The following SLC8A1 variants were observed in gnomAD, a reference collection of about 807,000 sequenced individuals.
The protein encoded by SLC8A1 is solute carrier family 8 member A1.
Under a neutral mutation model 68.3 loss-of-function variants are expected in SLC8A1, and 18 were observed. The observed-to-expected ratio is 0.26, with a 90% CI of 0.18 to 0.39. SLC8A1 has a LOEUF of 0.39. SLC8A1 is among the 10% of genes least tolerant of loss of function. The pLI is 1.00. For missense variants in SLC8A1, 985 were observed against 1,156.7 expected, an observed-to-expected ratio of 0.85 and a Z score of 2.15; for synonymous variants, 475 against 415.5, an observed-to-expected ratio of 1.14 and a Z score of -1.74.
chr2:40,408,394 C>G (rs374454427), intron 2 of SLC8A1, among the ~76,000 whole-genome samples: 51 of 152,234 alleles, frequency 3.4e-4, no homozygotes, highest in African/African-American at 1.1e-3. Flanking sequence ...TCTGCAGATT[C>G]ACACAAACAA....
At chr2:40,266,732 C>A (rs191847560) in intron 2 of SLC8A1, among the ~76,000 whole-genome samples, 1 of 152,126 alleles carries the variant, frequency 6.6e-6, no homozygotes, top group African/African-American at 2.4e-5. Context: ...CTTTATTGGG[C>A]TAATGGTATT....
At chr2:40,244,543 T>C (rs2061598884) in intron 2 of SLC8A1, among the ~76,000 whole-genome samples, 2 of 126,586 alleles carry the variant, frequency 1.6e-5, no homozygotes, top group Non-Finnish European at 3.2e-5. Flanking sequence ...AGTAGGCAAG[T>C]GGTGTGCATG....
chr2:40,368,717 A>AT (rs1367372581), intron 2 of SLC8A1, among the ~76,000 whole-genome samples: 1 of 151,766 alleles, frequency 6.6e-6, no homozygotes, highest in African/African-American at 2.4e-5. Flanking sequence ...CCCGTTAGTC[A>AT]TTTTTTTCTG....
At chr2:40,312,949 CAT>C (rs2073928055) in intron 2 of SLC8A1, among the ~76,000 whole-genome samples, 1 of 151,970 alleles carries the variant, frequency 6.6e-6, no homozygotes, top group African/African-American at 2.4e-5. Context: ...TTTTGAAATA[CAT>C]ACACACATAT....
intron 2 of SLC8A1, among the ~76,000 whole-genome samples, chr2:40,235,663 G>A (rs1384317725): frequency 6.6e-6 from 1 of 151,818 alleles, no homozygotes; most frequent in Non-Finnish European, 1.5e-5. Flanking sequence ...GTTTGCTCTT[G>A]CTTTTCTAGT....
intron 1 of SLC8A1, among the ~76,000 whole-genome samples, chr2:40,473,042 C>CT (rs1185088212): frequency 7.4e-6 from 1 of 134,314 alleles, no homozygotes; most frequent in Non-Finnish European, 1.5e-5. Context: ...GCGCTGCTCA[C>CT]GTTAGAAGTC....
rs183157594 is a variant in SLC8A1, at chr2:40,125,098, C to G, written c.2438-9469G>C. Among the ~76,000 whole-genome samples the G allele has an allele frequency of 5.4e-3, 819 of 152,254 alleles. 4 individuals carry two copies. The highest frequency in any genetic ancestry group is 0.018 in the African/African-American group (762 of 41,540). ...TGTTTATTGCTTGTGCTACTAAAAA[C>G]TAATAAATATAGGTTAAAAATAGAC... On this transcript the variant is annotated intron_variant, in intron 7 of 7. Transcript: ENST00000406785.
chr2:40,353,864 A>C (rs1182567132), intron 2 of SLC8A1, among the ~76,000 whole-genome samples: 2 of 152,212 alleles, frequency 1.3e-5, no homozygotes, highest in African/African-American at 4.8e-5. Context: ...GGGAGGCACC[A>C]GATTAGAATC....
At chr2:40,157,540 T>C (rs1212395182) in intron 6 of SLC8A1, among the ~76,000 whole-genome samples, 1 of 152,208 alleles carries the variant, frequency 6.6e-6, no homozygotes, top group African/African-American at 2.4e-5. Flanking sequence ...ATCCAGCTAA[T>C]GTTTGCCCTC....
chr2:40,366,870 G>C (rs1676371626), intron 2 of SLC8A1, among the ~76,000 whole-genome samples: 1 of 151,620 alleles, frequency 6.6e-6, no homozygotes, highest in African/African-American at 2.4e-5. Flanking sequence ...AAGAGAATGT[G>C]GCAGCAATCC....
chr2:40,350,262 G>A (rs1287949545), intron 2 of SLC8A1, among the ~76,000 whole-genome samples: 1 of 152,034 alleles, frequency 6.6e-6, no homozygotes, highest in Non-Finnish European at 1.5e-5. Context: ...GGGAAGGATA[G>A]CTTGAGCCCA....
At chr2:40,307,316 G>T (rs908998941) in intron 2 of SLC8A1, among the ~76,000 whole-genome samples, 14 of 152,156 alleles carry the variant, frequency 9.2e-5, no homozygotes, top group Admixed American at 2.0e-4. Flanking sequence ...AAGTATGATT[G>T]CATGATATGA....
At chr2:40,235,128 A>G (rs2148921439) in intron 2 of SLC8A1, among the ~76,000 whole-genome samples, 1 of 152,178 alleles carries the variant, frequency 6.6e-6, no homozygotes, top group East Asian at 1.9e-4. Context: ...TGAGTTAGGG[A>G]GGATTCCCTC....
Position 40,265,183 on chromosome 2 carries a change from A to G in SLC8A1, c.1809-87328T>C, listed in dbSNP as rs566014489. ...GGACAATGTAGAGTAGACGATGGGC[A>G]TGCAGCATGAGTAAGAAATAGATCT... On this transcript the variant is annotated intron_variant, in intron 2 of 7. Coordinates refer to ENST00000406785, the Ensembl canonical transcript of SLC8A1. 1.2e-4 allele frequency among the ~76,000 whole-genome samples: 19 copies of G among 152,350 alleles called. 1 individual carries two copies. Among genetic ancestry groups the G allele is most frequent in the South Asian group, 6.2e-4 (3 of 4,828 alleles).
chr2:40,391,721 T>G (rs76767478), intron 2 of SLC8A1, among the ~76,000 whole-genome samples: 1,797 of 152,096 alleles, frequency 0.012, 29 homozygotes, highest in African/African-American at 0.04. Flanking sequence ...TTATAGAACC[T>G]GAGGGAAAAT....
At chr2:40,237,697 C>G (rs1426092125) in intron 2 of SLC8A1, among the ~76,000 whole-genome samples, 3 of 152,024 alleles carry the variant, frequency 2.0e-5, no homozygotes, top group African/African-American at 7.2e-5. Context: ...TTTAGAGTTT[C>G]CAGTTTTTCT....
At chr2:40,373,189 G>A (rs965331327) in intron 2 of SLC8A1, among the ~76,000 whole-genome samples, 11 of 151,924 alleles carry the variant, frequency 7.2e-5, no homozygotes, top group Non-Finnish European at 1.3e-4. Flanking sequence ...AATATTAAAA[G>A]TGGCTTACAA....
At chr2:40,181,207 G>A (rs1023511059) in intron 2 of SLC8A1, among the ~76,000 whole-genome samples, 8 of 152,096 alleles carry the variant, frequency 5.3e-5, no homozygotes, top group South Asian at 2.1e-4. Context: ...CGATCCACCC[G>A]CCTTGGCCTC....
chr2:40,279,967 T>C (rs1282471018), intron 2 of SLC8A1, among the ~76,000 whole-genome samples: 1 of 152,196 alleles, frequency 6.6e-6, no homozygotes, highest in Admixed American at 6.5e-5. Flanking sequence ...TTTTAAAAAT[T>C]CTGATTAATA....
Sources: gnomAD v4.1 joint callset for allele counts (sites outside exome capture counted in the v4.1 genomes callset) on GRCh38, gnomAD v4.1.1 for gene constraint, MANE v1.5 for transcripts, NCBI Gene and HGNC (gene_info 2026-07-23, HGNC 2026-07-21) for gene names.